The following RASSF8 variants were observed in gnomAD, a reference collection of about 807,000 sequenced individuals.
RASSF8 encodes Ras association domain family member 8.
Under a neutral mutation model 48.5 loss-of-function variants are expected in RASSF8, and 22 were observed. That is an observed-to-expected ratio of 0.45 (90% confidence interval 0.32 to 0.65). The LOEUF is 0.65. Ranked by LOEUF, RASSF8 falls within the 30% of genes least tolerant of loss-of-function variation. RASSF8 has a pLI of 0.03. For missense variants in RASSF8, 418 were observed against 489.2 expected (o/e 0.85, Z 1.37); for synonymous variants, 127 against 171.5 (o/e 0.74, Z 2.03).
rs1453707196 is a variant in RASSF8, at chr12:26,002,755, ATTTC to A, written c.-109+7631_-109+7634del. Among the ~76,000 whole-genome samples the A allele has an allele frequency of 2.6e-5, 4 of 152,242 alleles. No individual in the cohort carries two copies. The East Asian group carries it at 7.7e-4, about 29-fold the overall frequency. On this transcript the variant is annotated intron_variant, in intron 2 of 5. Transcript: ENST00000689635. ...ATGCTTGATCTCTTGGATGTCTTTTATTTCTTTCTCTTGCCTTATTTCTCTGGCT... is the reference window on the plus strand; with the variant it reads ...ATGCTTGATCTCTTGGATGTCTTTTATTTCTCTTGCCTTATTTCTCTGGCT...
At position 26,070,522 on chromosome 12, in the gene RASSF8, T is replaced by A. The variant is rs1943976355; in HGVS notation, c.*1704T>A. Reference sequence around the variant, plus strand: ...GCCATTATGTTACTTTGCAAATAACTGAAGTAAATGATTCTTACCTAAATA... The same window carrying A: ...GCCATTATGTTACTTTGCAAATAACAGAAGTAAATGATTCTTACCTAAATA... On this transcript the variant is annotated 3_prime_UTR_variant, in exon 6 of 6. Coordinates refer to ENST00000689635, the MANE Select transcript of RASSF8 (RefSeq NM_001394098.1). The A allele has an allele frequency of 1.0e-6, 1 of 983,404 alleles. No individual in the cohort carries two copies. Among genetic ancestry groups the A allele is most frequent in the East Asian group, 1.1e-4 (1 of 8,828 alleles). 60.9% of individuals were successfully genotyped at this position (983,404 alleles called of 1,614,324 possible).
chr12:25,997,773 A>G (rs1385627064), intron 2 of RASSF8, among the ~76,000 whole-genome samples: 1 of 152,220 alleles, frequency 6.6e-6, no homozygotes, highest in South Asian at 2.1e-4. Flanking sequence ...GACAATAAAC[A>G]TTCCAATTGC....
At chr12:25,991,681 G>A (rs1381499633) in intron 1 of RASSF8, among the ~76,000 whole-genome samples, 1 of 152,162 alleles carries the variant, frequency 6.6e-6, no homozygotes, top group East Asian at 1.9e-4. Context: ...CTGCTTGAAT[G>A]TCTGGCTTAT....
chr12:26,017,315 A>G (rs1007773960), intron 2 of RASSF8, among the ~76,000 whole-genome samples: 64 of 152,074 alleles, frequency 4.2e-4, no homozygotes, highest in Non-Finnish European at 3.5e-4. Flanking sequence ...TGAATAGGGA[A>G]AGTTTAATGT....
downstream of RASSF8, among the ~76,000 whole-genome samples, chr12:26,075,791 A>C (rs1221221654): frequency 1.3e-5 from 2 of 152,192 alleles, no homozygotes; most frequent in Non-Finnish European, 2.9e-5. Context: ...AACAATCAGC[A>C]ACAGTCACCA....
At chr12:26,034,607 G>A (rs1943094363) in intron 2 of RASSF8, among the ~76,000 whole-genome samples, 1 of 151,936 alleles carries the variant, frequency 6.6e-6, no homozygotes, top group Non-Finnish European at 1.5e-5. Context: ...TCTTAGGGGG[G>A]AGAAAAAGAT....
At chr12:25,975,981 A>G (rs969203975) in intron 1 of RASSF8, among the ~76,000 whole-genome samples, 3 of 152,138 alleles carry the variant, frequency 2.0e-5, no homozygotes, top group African/African-American at 7.2e-5. Flanking sequence ...GGGGCCCATA[A>G]TGTGATTGGA....
At chr12:26,011,550 C>T (rs1415349819) in intron 2 of RASSF8, among the ~76,000 whole-genome samples, 1 of 152,050 alleles carries the variant, frequency 6.6e-6, no homozygotes, top group African/African-American at 2.4e-5. Context: ...GTGTATCTCC[C>T]CCATTCCCCC....
At chr12:25,965,301 A>G (rs891893666) in intron 1 of RASSF8, among the ~76,000 whole-genome samples, 4 of 150,988 alleles carry the variant, frequency 2.6e-5, no homozygotes, top group South Asian at 2.1e-4. Flanking sequence ...TAACTGTACA[A>G]TTTTACAAGA....
intron 4 of RASSF8, among the ~76,000 whole-genome samples, chr12:26,066,109 A>AAATT (rs1464009797): frequency 6.6e-6 from 1 of 152,222 alleles, no homozygotes; most frequent in East Asian, 1.9e-4. Context: ...TAAGGCAGTT[A>AAATT]AATTATTAAA....
At chr12:26,054,747 G>C (rs1943565620) in intron 2 of RASSF8, among the ~76,000 whole-genome samples, 1 of 152,162 alleles carries the variant, frequency 6.6e-6, no homozygotes, top group Non-Finnish European at 1.5e-5. Flanking sequence ...TTGTTTGTTT[G>C]TTTGTTTTAA....
intron 2 of RASSF8, among the ~76,000 whole-genome samples, chr12:26,003,651 A>G (rs73077158): frequency 0.081 from 12,401 of 152,244 alleles, 584 homozygotes; most frequent in Middle Eastern, 0.14. Flanking sequence ...AGAAGGAAAC[A>G]TACTAAAGTG....
chr12:25,974,236 C>G (rs1565599863), intron 1 of RASSF8, among the ~76,000 whole-genome samples: 1 of 151,872 alleles, frequency 6.6e-6, no homozygotes, highest in Admixed American at 6.6e-5. Context: ...TTTTCCTGAT[C>G]ATACAAGCGG....
intron 1 of RASSF8, among the ~76,000 whole-genome samples, chr12:25,984,000 T>C (rs1302432928): frequency 6.6e-6 from 1 of 152,218 alleles, no homozygotes; most frequent in East Asian, 1.9e-4. Flanking sequence ...ATTCCATTCA[T>C]ATGAGCTTCA....
intron 1 of RASSF8, chr12:25,959,788 G>C (rs1941186473): frequency 6.6e-6 from 1 of 152,108 alleles, no homozygotes; most frequent in Admixed American, 6.5e-5. Flanking sequence ...GCGGCACTGG[G>C]TTTTAAAAGA....
At chr12:25,989,668 C>T (rs1265316291) in intron 1 of RASSF8, among the ~76,000 whole-genome samples, 1 of 152,228 alleles carries the variant, frequency 6.6e-6, no homozygotes, top group East Asian at 1.9e-4. Flanking sequence ...CTTATCCCTT[C>T]TCCTCTGCCA....
At chr12:26,027,941 G>A (rs1405157292) in intron 2 of RASSF8, among the ~76,000 whole-genome samples, 1 of 152,160 alleles carries the variant, frequency 6.6e-6, no homozygotes. Context: ...TCAGGACAAA[G>A]GAGTGGCTGT....
intron 1 of RASSF8, among the ~76,000 whole-genome samples, chr12:25,959,998 A>T (rs1204991943): frequency 6.6e-6 from 1 of 152,084 alleles, no homozygotes; most frequent in Non-Finnish European, 1.5e-5. Context: ...CTCATAGCTG[A>T]CTTAAACCTG....
intron 2 of RASSF8, among the ~76,000 whole-genome samples, chr12:26,003,436 A>T (rs891899982): frequency 2.3e-4 from 30 of 129,498 alleles, no homozygotes; most frequent in Admixed American, 5.8e-4. Context: ...CAATTCTGGC[A>T]GTGGGAGAAG....
Sources: gnomAD v4.1 joint callset for allele counts (sites outside exome capture counted in the v4.1 genomes callset) on GRCh38, gnomAD v4.1.1 for gene constraint, MANE v1.5 for transcripts, NCBI Gene and HGNC (gene_info 2026-07-23, HGNC 2026-07-21) for gene names.